Variants in PANK1 observed in about 807,000 individuals in gnomAD.
The protein encoded by PANK1 is pantothenic acid kinase 1.
Under a neutral mutation model 40.1 loss-of-function variants are expected in PANK1, and 18 were observed. The ratio of observed to expected loss-of-function variants is 0.45; its 90% CI spans 0.31 to 0.67. The LOEUF (loss-of-function observed/expected upper bound fraction) is 0.67, where lower values mean the gene tolerates loss of function less well. Among genes scored for constraint, PANK1 ranks in the 30% least tolerant of loss-of-function variants. PANK1 has a pLI of 0.06. For missense variants in PANK1, 457 were observed against 599.6 expected (o/e 0.76, Z 2.48); for synonymous variants, 242 against 237.7 (o/e 1.02, Z -0.17).
At chr10:89,580,492 A>G (rs1004788247), downstream of PANK1, 2 of 152,202 alleles carry the variant, frequency 1.3e-5, no homozygotes, top group Admixed American at 6.5e-5. Context: ...GGCTCCAGCT[A>G]TAGCAAAGAG....
At chr10:89,600,698 T>C (rs1249261171) in intron 2 of PANK1, among the ~76,000 whole-genome samples, 1 of 152,180 alleles carries the variant, frequency 6.6e-6, no homozygotes, top group African/African-American at 2.4e-5. Context: ...TAGGGTCTGG[T>C]AGCCATTTTG....
At chr10:89,614,004 C>T in intron 1 of PANK1, 1 of 456,700 alleles carries the variant, frequency 2.2e-6, no homozygotes, top group East Asian at 6.9e-5. Flanking sequence ...TTCTTCCCTA[C>T]TATCAACTTT....
At chr10:89,639,744 G>A (rs1224720092) in intron 1 of PANK1, among the ~76,000 whole-genome samples, 3 of 152,178 alleles carry the variant, frequency 2.0e-5, no homozygotes, top group Non-Finnish European at 4.4e-5. Context: ...CCTGAGTCCT[G>A]AGCCCTCAGT....
intron 1 of PANK1, among the ~76,000 whole-genome samples, chr10:89,633,135 G>GTA (rs112418756): frequency 0.17 from 25,865 of 150,532 alleles, 2,436 homozygotes; most frequent in Non-Finnish European, 0.23. Context: ...TTTCCACGGT[G>GTA]TATATATATA....
chr10:89,621,123 G>A (rs1187417326), intron 1 of PANK1, among the ~76,000 whole-genome samples: 4 of 152,164 alleles, frequency 2.6e-5, no homozygotes, highest in Admixed American at 2.6e-4. Context: ...CCAACACTGA[G>A]AAACCCTGTC....
intron 5 of PANK1, among the ~76,000 whole-genome samples, chr10:89,590,387 T>C (rs1263715200): frequency 6.6e-6 from 1 of 151,186 alleles, no homozygotes; most frequent in Non-Finnish European, 1.5e-5. Context: ...CCTATTACAT[T>C]GAAAAAAATC....
chr10:89,604,084 A>G (rs1844868332), intron 2 of PANK1, among the ~76,000 whole-genome samples: 2 of 152,208 alleles, frequency 1.3e-5, no homozygotes, highest in South Asian at 4.1e-4. Context: ...GCCAATTCTT[A>G]AGTCCTCACA....
intron 2 of PANK1, among the ~76,000 whole-genome samples, chr10:89,610,745 T>C (rs1202346286): frequency 6.6e-6 from 1 of 152,256 alleles, no homozygotes; most frequent in Non-Finnish European, 1.5e-5. Context: ...ATACGTATTT[T>C]ATGACTTACC....
intron 2 of PANK1, among the ~76,000 whole-genome samples, chr10:89,610,528 G>T (rs1388576663): frequency 1.3e-5 from 2 of 152,038 alleles, no homozygotes; most frequent in African/African-American, 2.4e-5. Flanking sequence ...GGACTCTGTT[G>T]CCTGCCCTTA....
Position 89,642,547 on chromosome 10 carries a change from T to C in PANK1, c.292+2053A>G, listed in dbSNP as rs77361044. Among the ~76,000 whole-genome samples the C allele has an allele frequency of 7.9e-3, 1,208 of 152,366 alleles. 15 individuals are homozygous for C. Among genetic ancestry groups the C allele is most frequent in the African/African-American group, 0.028 (1,148 of 41,586 alleles). On this transcript the variant is annotated intron_variant, in intron 1 of 6. Coordinates refer to ENST00000307534, the MANE Select transcript of PANK1 (RefSeq NM_148977.3). Reference sequence around the variant, plus strand: ...GTAAAATCTGTCAGTCATCAGCAAATAGGAATAAGCTTAGAGTATGTAAAT... The same window carrying C: ...GTAAAATCTGTCAGTCATCAGCAAACAGGAATAAGCTTAGAGTATGTAAAT...
chr10:89,587,386 A>C (rs1844226621), intron 6 of PANK1, among the ~76,000 whole-genome samples: 1 of 152,224 alleles, frequency 6.6e-6, no homozygotes, highest in Non-Finnish European at 1.5e-5. Flanking sequence ...CAATAAAAAG[A>C]GCACAAATTA....
intron 1 of PANK1, 86 bp from the exon 2 acceptor site, chr10:89,612,134 T>C (rs1381158403): frequency 3.8e-6 from 4 of 1,043,630 alleles, no homozygotes; most frequent in Non-Finnish European, 5.6e-6. Context: ...GCAAAAGCAG[T>C]GGTATCATAT....
At chr10:89,586,407 G>C (rs112234146) in intron 6 of PANK1, among the ~76,000 whole-genome samples, 296 of 152,232 alleles carry the variant, frequency 1.9e-3, no homozygotes, top group African/African-American at 6.5e-3. Flanking sequence ...GTGGGGGGTA[G>C]GGAGTGGAGG....
At chr10:89,607,138 G>A (rs183540521) in intron 2 of PANK1, among the ~76,000 whole-genome samples, 17 of 152,282 alleles carry the variant, frequency 1.1e-4, no homozygotes, top group African/African-American at 2.4e-4. Context: ...CTCACTAAGC[G>A]TAATGATTTC....
chr10:89,603,261 A>G (rs1844841936), intron 2 of PANK1, among the ~76,000 whole-genome samples: 1 of 152,232 alleles, frequency 6.6e-6, no homozygotes. Flanking sequence ...CAATAAACAC[A>G]TAATTGGGAA....
At chr10:89,614,824 C>T (rs1845270446) in intron 1 of PANK1, among the ~76,000 whole-genome samples, 1 of 151,952 alleles carries the variant, frequency 6.6e-6, no homozygotes, top group Non-Finnish European at 1.5e-5. Context: ...AAATGTATTC[C>T]AGCAGGCTAG....
At chr10:89,588,485 A>G (rs1397325409) in intron 6 of PANK1, among the ~76,000 whole-genome samples, 167 bp downstream of exon 6, 1 of 152,222 alleles carries the variant, frequency 6.6e-6, no homozygotes, top group Non-Finnish European at 1.5e-5. Context: ...TTGGATAAGA[A>G]CGCTTCCATT....
chr10:89,610,062 C>T (rs1845104562), intron 2 of PANK1, among the ~76,000 whole-genome samples: 1 of 152,158 alleles, frequency 6.6e-6, no homozygotes, highest in Admixed American at 6.5e-5. Flanking sequence ...GTCCAAGTCC[C>T]AGCTCTTACC....
At chr10:89,582,889 T>C (rs895650267), downstream of PANK1, 1 of 152,142 alleles carries the variant, frequency 6.6e-6, no homozygotes, top group African/African-American at 2.4e-5. Flanking sequence ...TTTTGAAATG[T>C]AGAGTAGCAA....
Sources: allele counts gnomAD v4.1 joint callset (sites outside exome capture counted in the v4.1 genomes callset), GRCh38; gene constraint gnomAD v4.1.1; transcripts MANE v1.5; gene names NCBI Gene and HGNC (gene_info 2026-07-23, HGNC 2026-07-21).